Variants in ILDR1 observed in about 807,000 individuals in gnomAD.
ILDR1 encodes immunoglobulin like domain containing receptor 1.
Under a neutral mutation model 62.4 loss-of-function variants are expected in ILDR1, and 56 were observed. The ratio of observed to expected loss-of-function variants is 0.90; its 90% CI spans 0.72 to 1.12. ILDR1 has a LOEUF of 1.12. Ranked by LOEUF, ILDR1 falls within the 50% of genes most tolerant of loss-of-function variation. ILDR1 has a pLI of 0.00. For synonymous variants in ILDR1, 284 were observed against 277.8 expected (o/e 1.02, Z -0.22); for missense variants, 736 against 710.6 (o/e 1.04, Z -0.41).
At chr3:122,010,130 G>A (rs1253548759) in intron 1 of ILDR1, among the ~76,000 whole-genome samples, 2 of 152,230 alleles carry the variant, frequency 1.3e-5, no homozygotes, top group African/African-American at 4.8e-5. Flanking sequence ...AAGCAAGAAA[G>A]GAGGGAGCAA....
chr3:122,001,900 A>C (rs775404486), intron 3 of ILDR1, 36 bp from the exon 4 acceptor site: 42 of 1,611,220 alleles, frequency 2.6e-5, no homozygotes, highest in Non-Finnish European at 3.5e-5. Context: ...CCAGTGTCAG[A>C]GGAGAGAGCA....
Position 122,001,884 on chromosome 3 carries a change from A to G in ILDR1, c.380-20T>C. The G allele has an allele frequency of 6.2e-7, 1 of 1,612,746 alleles. No individual in the cohort carries two copies. Among genetic ancestry groups the G allele is most frequent in the South Asian group, 1.1e-5 (1 of 91,020 alleles). On this transcript the variant is annotated intron_variant, in intron 3 of 7. Coordinates refer to ENST00000344209, the MANE Select transcript of ILDR1 (RefSeq NM_001199799.2). Reference sequence around the variant, plus strand: ...CTGCTCCTACACAGTAAGGAGGGAGAAAGTGCCAGTGTCAGAGGAGAGAGC... The same window carrying G: ...CTGCTCCTACACAGTAAGGAGGGAGGAAGTGCCAGTGTCAGAGGAGAGAGC...
At chr3:122,035,750 T>C in the ILDR1 span, among the ~76,000 whole-genome samples, 1 of 152,220 alleles carries the variant, frequency 6.6e-6, no homozygotes. Flanking sequence ...AGTGAGTCAA[T>C]TAAATCTCTT....
At position 121,993,576 on chromosome 3, in the gene ILDR1, T is replaced by C. The variant is rs780179284; in HGVS notation, c.1173A>G (p.Glu391=). Residue 391 remains glutamate, a synonymous_variant, in exon 7 of 8, where the codon GAA becomes GAG. Transcript: ENST00000344209. ...QDRGPKSWAL[E]RRELDPSWSG... ...TCCACGATGGGTCCAACTCCCTTCT[T>C]TCCAATGCCCAAGACTTTGGCCCCC... 6.2e-7 allele frequency: 1 copy of C among 1,614,202 alleles called. No homozygotes were observed.
chr3:122,055,515 T>C, the ILDR1 span: 2 of 1,613,688 alleles, frequency 1.2e-6, no homozygotes, highest in Non-Finnish European at 1.7e-6. Flanking sequence ...TGAGTAATAA[T>C]TCTTATTCTT....
intron 7 of ILDR1, among the ~76,000 whole-genome samples, chr3:121,992,672 C>T (rs576037192): frequency 1.3e-5 from 2 of 152,260 alleles, no homozygotes; most frequent in Non-Finnish European, 2.9e-5. Flanking sequence ...TCATATATAC[C>T]AGGGCCTTGC....
At chr3:122,016,811 T>G (rs776440137) in intron 1 of ILDR1, among the ~76,000 whole-genome samples, 19 of 152,186 alleles carry the variant, frequency 1.2e-4, no homozygotes, top group Admixed American at 1.3e-4. Flanking sequence ...TAGACAGAAG[T>G]AGCAGGACTA....
At chr3:122,010,782 G>A (rs79111039) in intron 1 of ILDR1, among the ~76,000 whole-genome samples, 2,287 of 152,300 alleles carry the variant, frequency 0.015, 45 homozygotes, top group African/African-American at 0.046. Context: ...CACACATACC[G>A]ATGAGAAGAG....
intron 3 of ILDR1, among the ~76,000 whole-genome samples, chr3:122,002,831 C>T (rs907792199): frequency 6.6e-6 from 1 of 152,086 alleles, no homozygotes; most frequent in Non-Finnish European, 1.5e-5. Flanking sequence ...CATGCATTCT[C>T]GTCATCCAGC....
intron 1 of ILDR1, 173 bp from the exon 2 acceptor site, chr3:122,007,334 G>A (rs1451615090): frequency 2.8e-6 from 4 of 1,448,446 alleles, no homozygotes; most frequent in Non-Finnish European, 3.8e-6. Flanking sequence ...GGGGTGGGGT[G>A]AGAACGCACT....
chr3:122,036,872 C>A, the ILDR1 span, among the ~76,000 whole-genome samples: 1 of 152,184 alleles, frequency 6.6e-6, no homozygotes, highest in Non-Finnish European at 1.5e-5. Flanking sequence ...CTCTGTGCAG[C>A]CTCAGGATAT....
chr3:122,031,127 T>C, the ILDR1 span, among the ~76,000 whole-genome samples: 19 of 152,190 alleles, frequency 1.2e-4, no homozygotes, highest in Admixed American at 1.3e-4. Flanking sequence ...CAGCATAACA[T>C]GTGATATTAC....
upstream of ILDR1, among the ~76,000 whole-genome samples, chr3:122,022,677 G>A (rs1365697359): frequency 6.6e-6 from 1 of 152,202 alleles, no homozygotes; most frequent in Non-Finnish European, 1.5e-5. Context: ...AGCACTTTGG[G>A]AGGCCGAGGC....
At chr3:121,988,489 G>T in intron 7 of ILDR1, 81 bp from the exon 8 acceptor site, 3 of 1,162,640 alleles carry the variant, frequency 2.6e-6, no homozygotes, top group South Asian at 1.2e-5. Context: ...ATGTGCTCTT[G>T]ATTTACAAAT....
At chr3:122,014,299 T>C (rs926188213) in intron 1 of ILDR1, among the ~76,000 whole-genome samples, 9 of 152,266 alleles carry the variant, frequency 5.9e-5, no homozygotes, top group African/African-American at 1.7e-4. Context: ...GAGGTACTGC[T>C]GTTGACAATT....
At chr3:122,055,612 T>C in the ILDR1 span, 30 of 993,500 alleles carry the variant, frequency 3.0e-5, no homozygotes, top group Non-Finnish European at 4.4e-5. Context: ...AGTTCCTAAG[T>C]GGAGAAGCTT....
the ILDR1 span, among the ~76,000 whole-genome samples, chr3:122,041,445 G>C: frequency 2.0e-5 from 3 of 152,122 alleles, no homozygotes; most frequent in African/African-American, 4.8e-5. Flanking sequence ...CTTGTTATTG[G>C]ACTTCCCAGC....
the ILDR1 span, among the ~76,000 whole-genome samples, chr3:122,044,534 A>G: frequency 6.6e-6 from 1 of 150,450 alleles, no homozygotes; most frequent in Non-Finnish European, 1.5e-5. Context: ...TCGGCTGTGA[A>G]TCCATCTGGT....
the ILDR1 span, among the ~76,000 whole-genome samples, chr3:122,031,070 G>A: frequency 6.6e-6 from 1 of 152,140 alleles, no homozygotes; most frequent in Non-Finnish European, 1.5e-5. Context: ...CAAAGCTCAT[G>A]GCCCTGAGAT....
Sources: gnomAD v4.1 joint callset for allele counts (sites outside exome capture counted in the v4.1 genomes callset) on GRCh38, gnomAD v4.1.1 for gene constraint, MANE v1.5 for transcripts, NCBI Gene and HGNC (gene_info 2026-07-23, HGNC 2026-07-21) for gene names.